Variants in ZMYM5 observed in about 807,000 individuals in gnomAD.
ZMYM5 encodes the protein zinc finger MYM-type containing 5, also known as zinc finger MYM-type protein 5.
Under a neutral mutation model 61.8 loss-of-function variants are expected in ZMYM5, and 41 were observed. That is an observed-to-expected ratio of 0.66 (90% CI 0.52 to 0.86). ZMYM5 has a LOEUF of 0.86. Among genes scored for constraint, ZMYM5 ranks in the 40% least tolerant of loss-of-function variants. The pLI is 0.00. For missense variants in ZMYM5, 706 were observed against 786.7 expected (o/e 0.90, Z 1.23); for synonymous variants, 257 against 276.4 (o/e 0.93, Z 0.70).
rs1489955251 is a variant in ZMYM5 at position 19,840,983 on chromosome 13, G to A, written c.587-1998C>T. 1.8e-3 allele frequency among the ~76,000 whole-genome samples: 233 copies of A among 132,902 alleles called. 2 individuals carry two copies. The highest frequency in any genetic ancestry group is 0.017 in the Middle Eastern group (4 of 234). 87.2% of individuals were successfully genotyped at this position (132,902 alleles called of 152,430 possible). A position where few individuals can be genotyped will look rare whatever the true frequency, so the allele number is the denominator to read the frequency against. On this transcript the variant is annotated intron_variant, in intron 4 of 7. Coordinates refer to ENST00000337963, the MANE Select transcript of ZMYM5 (RefSeq NM_001142684.2). ...TGAGCCACCGCGCCCGGCCCACCTG[G>A]CCACTTTTTACTTTTTTTTTTTTTT...
chr13:19,833,280 T>G (rs1334564286), intron 7 of ZMYM5, among the ~76,000 whole-genome samples: 1 of 152,180 alleles, frequency 6.6e-6, no homozygotes, highest in Non-Finnish European at 1.5e-5. Context: ...TAAGAATATT[T>G]CCAGTTTTAC....
chr13:19,840,484 C>T (rs1952829134), intron 4 of ZMYM5, among the ~76,000 whole-genome samples: 1 of 152,196 alleles, frequency 6.6e-6, no homozygotes, highest in African/African-American at 2.4e-5. Flanking sequence ...AGCGATCCTC[C>T]CATCTCAGCT....
chr13:19,826,062 AAAAG>A (rs1406403886), intron 7 of ZMYM5, among the ~76,000 whole-genome samples: 13 of 151,672 alleles, frequency 8.6e-5, no homozygotes, highest in African/African-American at 2.9e-4. Context: ...AAAAAAAAAA[AAAAG>A]AGAGAACAAA....
At chr13:19,833,314 T>G (rs1210256709) in intron 7 of ZMYM5, among the ~76,000 whole-genome samples, 6 of 152,190 alleles carry the variant, frequency 3.9e-5, no homozygotes. Flanking sequence ...TTAATTTTTG[T>G]GTATGCAATG....
chr13:19,852,812 C>T (rs1170897743), intron 2 of ZMYM5, among the ~76,000 whole-genome samples: 1 of 152,160 alleles, frequency 6.6e-6, no homozygotes, highest in Non-Finnish European at 1.5e-5. Flanking sequence ...AATTGTTCCA[C>T]ATAACACTGG....
At chr13:19,860,863 G>C (rs1224062133) in intron 2 of ZMYM5, among the ~76,000 whole-genome samples, 1 of 149,116 alleles carries the variant, frequency 6.7e-6, no homozygotes, top group Non-Finnish European at 1.5e-5. Context: ...AAAATAAAGA[G>C]GATAAGGATT....
intron 2 of ZMYM5, among the ~76,000 whole-genome samples, chr13:19,860,101 CA>C (rs537760988): frequency 0.029 from 903 of 31,326 alleles, 1 homozygote; most frequent in South Asian, 0.05. Context: ...AAGACTGTCT[CA>C]AAAAAAAAAA....
chr13:19,835,169 A>C (rs540789072), intron 7 of ZMYM5, among the ~76,000 whole-genome samples: 1 of 152,080 alleles, frequency 6.6e-6, no homozygotes, highest in East Asian at 1.9e-4. Context: ...ATTCTAAAAA[A>C]TTTTTAGTAG....
At chr13:19,843,265 G>C (rs1952945035) in intron 4 of ZMYM5, 1 of 147,016 alleles carries the variant, frequency 6.8e-6, no homozygotes. Flanking sequence ...TTACAGGCAT[G>C]CGCCACCATG....
At chr13:19,847,750 C>A (rs1953130127) in intron 4 of ZMYM5, among the ~76,000 whole-genome samples, 2 of 148,520 alleles carry the variant, frequency 1.3e-5, no homozygotes, top group South Asian at 4.3e-4. Flanking sequence ...CATTCTCCTG[C>A]CTCAGCCTCC....
chr13:19,853,296 A>T (rs1370335593), intron 2 of ZMYM5, among the ~76,000 whole-genome samples: 1 of 152,232 alleles, frequency 6.6e-6, no homozygotes, highest in Non-Finnish European at 1.5e-5. Context: ...GCTCTTAAGC[A>T]GATGAGAGAT....
intron 4 of ZMYM5, among the ~76,000 whole-genome samples, chr13:19,841,167 G>C (rs186859316): frequency 6.6e-6 from 1 of 151,508 alleles, no homozygotes; most frequent in Admixed American, 6.6e-5. Context: ...GTTTCACCAT[G>C]TTGGTCAGGC....
intron 2 of ZMYM5, among the ~76,000 whole-genome samples, chr13:19,857,105 CA>C: frequency 6.6e-6 from 1 of 152,300 alleles, no homozygotes; most frequent in African/African-American, 2.4e-5. Context: ...GACTCCGTCT[CA>C]AAACGAAAAC....
intron 2 of ZMYM5, among the ~76,000 whole-genome samples, chr13:19,855,382 C>T (rs914511869): frequency 5.9e-5 from 9 of 151,958 alleles, no homozygotes; most frequent in African/African-American, 2.2e-4. Flanking sequence ...CCTTCCTCAG[C>T]CTCCCAAGTA....
chr13:19,856,538 G>C (rs1440453922), intron 2 of ZMYM5, among the ~76,000 whole-genome samples: 1 of 152,004 alleles, frequency 6.6e-6, no homozygotes, highest in Non-Finnish European at 1.5e-5. Flanking sequence ...TACTCAGGAG[G>C]CTGAGACAGG....
intron 7 of ZMYM5, 126 bp downstream of exon 7, chr13:19,835,351 G>A (rs1210781177): frequency 1.5e-6 from 1 of 684,342 alleles, no homozygotes; most frequent in African/African-American, 1.9e-5. Context: ...ATTTGAGATG[G>A]GACAAACCAA....
chr13:19,824,556 T>G lies in ZMYM5; in HGVS notation c.1931A>C (p.Lys644Thr), dbSNP rs1319019685. The change falls in exon 8 of 8, where the codon AAA becomes ACA. Residue 644 changes from lysine (K) to threonine (T), a missense_variant. By Grantham distance (78) the Lys-to-Thr change is moderately conservative (BLOSUM62 -1). Around this residue, in one of 2 missense-constraint regions of ZMYM5, gnomAD observed 226 missense variants for 325.0 expected, o/e 0.70. Transcript: ENST00000337963. ...KYSKLKSDLK[K>T]NKAIDAAEHR... ...TTCTGCAGCATCAATAGCTTTATTTTTTTTCAGATCAGATTTTAATTTTGA... is the reference window on the plus strand; with the variant it reads ...TTCTGCAGCATCAATAGCTTTATTTGTTTTCAGATCAGATTTTAATTTTGA... 7.6e-7 allele frequency: 1 copy of G among 1,321,750 alleles called. No homozygotes were observed. The highest frequency in any genetic ancestry group is 4.7e-5 in the East Asian group (1 of 21,414). 81.9% of individuals were successfully genotyped at this position (1,321,750 alleles called of 1,614,324 possible). A position where few individuals can be genotyped will look rare whatever the true frequency, so the allele number is the denominator to read the frequency against.
In ZMYM5 at chr13:19,838,971, G is replaced by A. The variant is rs756342078; in HGVS notation, c.601C>T (p.Gln201Ter). The A allele has an allele frequency of 1.9e-6, 3 of 1,608,588 alleles. No individual in the cohort carries two copies. Among genetic ancestry groups the A allele is most frequent in the Non-Finnish European group, 2.5e-6 (3 of 1,177,158 alleles). ...THHSPDSWIS[Q>*]SASFPSNQKQ... Reference sequence around the variant, plus strand: ...TGATTACTGGGAAATGAAGCTGACTGGGAGATCCAAGAATCTTAAAAATGA... The same window carrying A: ...TGATTACTGGGAAATGAAGCTGACTAGGAGATCCAAGAATCTTAAAAATGA... Residue 201 changes from glutamine to a stop codon, truncating the protein, a stop_gained, in exon 5 of 8, where the codon CAG (glutamine) becomes TAG (stop). Coordinates refer to ENST00000337963, the MANE Select transcript of ZMYM5 (RefSeq NM_001142684.2). LOFTEE classifies it high-confidence loss of function.
intron 4 of ZMYM5, among the ~76,000 whole-genome samples, chr13:19,848,661 G>A (rs552946049): frequency 2.0e-4 from 30 of 152,184 alleles, no homozygotes; most frequent in African/African-American, 7.2e-4. Context: ...AGCCTCCTGA[G>A]TAACTGGGGC....
Sources: gnomAD v4.1 joint callset for allele counts (sites outside exome capture counted in the v4.1 genomes callset) on GRCh38, gnomAD v4.1.1 for gene constraint, gnomAD v4.1.1 regional missense constraint, MANE v1.5 for transcripts, NCBI Gene and HGNC (gene_info 2026-07-23, HGNC 2026-07-21) for gene names.